Variants in ELOVL5 observed in about 807,000 individuals in gnomAD.
The protein encoded by ELOVL5 is very long chain fatty acid elongase 5.
A neutral mutation model predicts 38.6 loss-of-function variants in ELOVL5; 8 were observed. The observed-to-expected ratio is 0.21, with a 90% CI of 0.12 to 0.37. The LOEUF is 0.37. ELOVL5 is among the 10% of genes least tolerant of loss of function. The pLI, the probability that ELOVL5 is intolerant of heterozygous loss-of-function variation, is 1.00. For missense variants in ELOVL5, 280 were observed against 367.8 expected (o/e 0.76, Z 1.95); for synonymous variants, 127 against 133.7 (o/e 0.95, Z 0.34).
In ELOVL5 at chr6:53,273,131, T is replaced by C. The variant is rs1012507710; in HGVS notation, c.621+89A>G. 10 of 1,368,998 alleles carry C rather than the reference T, an allele frequency of 7.3e-6. No homozygotes were observed. The East Asian group carries it at 9.4e-5, about 13-fold the overall frequency. 84.8% of individuals were successfully genotyped at this position (1,368,998 alleles called of 1,614,324 possible). Reference sequence around the variant, plus strand: ...AATGAAAAAGGGTGGAGAAGGGGCATCTTAGATGCTATTACATAACACTAA... The same window carrying C: ...AATGAAAAAGGGTGGAGAAGGGGCACCTTAGATGCTATTACATAACACTAA... On this transcript the variant is annotated intron_variant, in intron 6 of 7. Transcript: ENST00000304434.
At chr6:53,292,988 G>C in intron 2 of ELOVL5, among the ~76,000 whole-genome samples, 1 of 152,074 alleles carries the variant, frequency 6.6e-6, no homozygotes, top group East Asian at 1.9e-4. Flanking sequence ...AGGAGGGAGA[G>C]GGAAACAGGT....
At chr6:53,294,361 T>C in intron 2 of ELOVL5, 1 of 1,569,454 alleles carries the variant, frequency 6.4e-7, no homozygotes, top group African/African-American at 1.3e-5. Context: ...GGGAAACAAC[T>C]TCTTTATGCT....
At chr6:53,348,786 C>T in intron 1 of ELOVL5, 31 bp downstream of exon 1, 1 of 453,552 alleles carries the variant, frequency 2.2e-6, no homozygotes. Context: ...CGGCGGCCCC[C>T]GACGAAGTTT....
chr6:53,315,947 T>C (rs138462925), intron 1 of ELOVL5, among the ~76,000 whole-genome samples: 121 of 152,364 alleles, frequency 7.9e-4, no homozygotes, highest in Non-Finnish European at 1.5e-3. Context: ...GAAACTATAC[T>C]GTAATAGCAT....
Position 53,273,377 on chromosome 6 carries a change from G to T in ELOVL5, c.497-33C>A, listed in dbSNP as rs1765995428. On this transcript the variant is annotated intron_variant, in intron 5 of 7. Coordinates refer to ENST00000304434, the MANE Select transcript of ELOVL5 (RefSeq NM_021814.5). Reference sequence around the variant, plus strand: ...AACAGAGGGATTTGGGAAGGAGAATGTATTAGTGTTTTAAACAGAACAGGT... The same window carrying T: ...AACAGAGGGATTTGGGAAGGAGAATTTATTAGTGTTTTAAACAGAACAGGT... 5 of 1,595,988 alleles carry T rather than the reference G, an allele frequency of 3.1e-6. No homozygotes were observed. In the African/African-American group the frequency reaches 5.4e-5, roughly 17 times the overall value.
chr6:53,282,951 G>C lies in ELOVL5; in HGVS notation c.247-6695C>G, dbSNP rs369509520. Among the ~76,000 whole-genome samples, 7 of 152,324 alleles carry C rather than the reference G, an allele frequency of 4.6e-5. No homozygotes were observed. The South Asian group carries it at 1.5e-3, about 32-fold the overall frequency. On this transcript the variant is annotated intron_variant, in intron 3 of 7. Transcript: ENST00000304434. ...CCATCAGATGGCCTTCAAACCCAGA[G>C]CCTGGGGAGATGCTTTCACAGCCCA...
chr6:53,345,992 T>C (rs1769526562), intron 1 of ELOVL5, among the ~76,000 whole-genome samples: 1 of 152,202 alleles, frequency 6.6e-6, no homozygotes, highest in Non-Finnish European at 1.5e-5. Flanking sequence ...TTCCTGCACC[T>C]ATCAACCCAT....
At chr6:53,345,891 ATTC>A (rs1332732774) in intron 1 of ELOVL5, among the ~76,000 whole-genome samples, 1 of 152,122 alleles carries the variant, frequency 6.6e-6, no homozygotes, top group Non-Finnish European at 1.5e-5. Flanking sequence ...AATCCTAGAG[ATTC>A]TTTTTTATTT....
chr6:53,302,705 A>C (rs1379488324), intron 1 of ELOVL5, among the ~76,000 whole-genome samples: 1 of 152,114 alleles, frequency 6.6e-6, no homozygotes, highest in Non-Finnish European at 1.5e-5. Context: ...CTAAACCCAC[A>C]ACCAGGCTGT....
chr6:53,348,163 G>A (rs1049272448), intron 1 of ELOVL5, among the ~76,000 whole-genome samples: 6 of 152,112 alleles, frequency 3.9e-5, no homozygotes, highest in Admixed American at 6.5e-5. Context: ...GAGTACCAAG[G>A]GCTGCCGTTG....
Position 53,298,904 on chromosome 6 carries a change from G to C in ELOVL5, c.-8-3197C>G, listed in dbSNP as rs552129090. Among the ~76,000 whole-genome samples, 354 of 149,762 alleles carry C rather than the reference G, an allele frequency of 2.4e-3. 5 individuals carry two copies. The highest frequency in any genetic ancestry group is 5.7e-3 in the Admixed American group (85 of 14,952). On this transcript the variant is annotated intron_variant, in intron 1 of 7. Coordinates refer to ENST00000304434, the MANE Select transcript of ELOVL5 (RefSeq NM_021814.5). ...CAAGAGAAGGTGGGGGCAAGGCGGG[G>C]GGGGGGAGTTGATAATATATCAGGA... is the stretch of plus-strand genomic sequence containing the variant.
chr6:53,288,926 C>T (rs142763955), intron 3 of ELOVL5, among the ~76,000 whole-genome samples: 86 of 152,176 alleles, frequency 5.7e-4, no homozygotes, highest in Middle Eastern at 3.4e-3. Flanking sequence ...CTTAGCTAGA[C>T]GTGGTGGCAT....
chr6:53,274,844 G>A (rs1766052567), intron 5 of ELOVL5, among the ~76,000 whole-genome samples: 1 of 152,158 alleles, frequency 6.6e-6, no homozygotes, highest in African/African-American at 2.4e-5. Flanking sequence ...AGAGAATATT[G>A]TACCTATTCC....
intron 1 of ELOVL5, among the ~76,000 whole-genome samples, chr6:53,314,130 A>G (rs1767945705): frequency 6.6e-6 from 1 of 152,234 alleles, no homozygotes; most frequent in Non-Finnish European, 1.5e-5. Context: ...TGAAATATTG[A>G]GAATTGGGTC....
At chr6:53,274,494 T>G (rs980756335) in intron 5 of ELOVL5, among the ~76,000 whole-genome samples, 1 of 152,224 alleles carries the variant, frequency 6.6e-6, no homozygotes, top group Non-Finnish European at 1.5e-5. Context: ...AGACATTTGC[T>G]AAAACTCCCA....
chr6:53,278,826 C>G (rs1398305500), intron 3 of ELOVL5, among the ~76,000 whole-genome samples: 1 of 152,196 alleles, frequency 6.6e-6, no homozygotes, highest in African/African-American at 2.4e-5. Flanking sequence ...GCCCCTCAAA[C>G]CACTGAATTC....
At chr6:53,305,273 C>G (rs1458300687) in intron 1 of ELOVL5, among the ~76,000 whole-genome samples, 1 of 137,016 alleles carries the variant, frequency 7.3e-6, no homozygotes, top group Non-Finnish European at 1.6e-5. Flanking sequence ...CCAGTAGGGG[C>G]GGCCGGGCAG....
At chr6:53,279,950 A>G (rs951360683) in intron 3 of ELOVL5, among the ~76,000 whole-genome samples, 1 of 152,226 alleles carries the variant, frequency 6.6e-6, no homozygotes, top group Non-Finnish European at 1.5e-5. Context: ...AGTGGACTAC[A>G]GAGGTGCTCA....
chr6:53,283,755 A>G (rs1430975749), intron 3 of ELOVL5, among the ~76,000 whole-genome samples: 1 of 152,204 alleles, frequency 6.6e-6, no homozygotes, highest in Non-Finnish European at 1.5e-5. Flanking sequence ...CAAAAGTGGG[A>G]CCACAGCAGA....
Sources: allele counts gnomAD v4.1 joint callset (sites outside exome capture counted in the v4.1 genomes callset), GRCh38; gene constraint gnomAD v4.1.1; transcripts MANE v1.5; gene names NCBI Gene and HGNC (gene_info 2026-07-23, HGNC 2026-07-21).